MECOM: variants seen among roughly 807,000 people sequenced by gnomAD.
The protein encoded by MECOM is histone-lysine N-methyltransferase MECOM.
Under a neutral mutation model 116.3 loss-of-function variants are expected in MECOM, and 13 were observed. That is an observed-to-expected ratio of 0.11 (90% CI 0.07 to 0.18). The LOEUF (loss-of-function observed/expected upper bound fraction) is 0.18. Ranked by LOEUF, MECOM falls within the 10% of genes least tolerant of loss-of-function variation. MECOM has a pLI of 1.00. For missense variants in MECOM, 1,299 were observed against 1,509.0 expected, an observed-to-expected ratio of 0.86 and a Z score of 2.31; for synonymous variants, 528 against 535.2, an observed-to-expected ratio of 0.99 and a Z score of 0.19.
intron 1 of MECOM, among the ~76,000 whole-genome samples, chr3:169,456,282 C>T (rs191336476): frequency 1.3e-5 from 2 of 152,290 alleles, no homozygotes; most frequent in African/African-American, 4.8e-5. Flanking sequence ...ACACCTGCTC[C>T]TTGCATTGTA....
chr3:169,124,063 CAA>C (rs1731979564), intron 5 of MECOM, among the ~76,000 whole-genome samples: 2 of 152,010 alleles, frequency 1.3e-5, no homozygotes, highest in Non-Finnish European at 2.9e-5. Flanking sequence ...AATGATGAAA[CAA>C]TGATAGAGTT....
intron 2 of MECOM, among the ~76,000 whole-genome samples, chr3:169,334,510 ACTC>A (rs1392367235): frequency 6.6e-6 from 1 of 152,088 alleles, no homozygotes; most frequent in African/African-American, 2.4e-5. Context: ...AAGTTTTAAA[ACTC>A]CTCAGGTGAT....
At chr3:169,235,139 T>A (rs1753877487) in intron 2 of MECOM, among the ~76,000 whole-genome samples, 1 of 152,212 alleles carries the variant, frequency 6.6e-6, no homozygotes, top group South Asian at 2.1e-4. Flanking sequence ...GAGACTAAAC[T>A]CTTATTGACT....
Position 169,427,670 on chromosome 3 carries a change from G to A in MECOM, c.38-46146C>T, listed in dbSNP as rs566176230. 3.3e-5 allele frequency among the ~76,000 whole-genome samples: 5 copies of A among 152,304 alleles called. No homozygotes were observed. In the South Asian group the frequency reaches 6.2e-4, roughly 19 times the overall value. The stretch of plus-strand genomic sequence containing the variant: ...TCTCTTGTACAGAAGATGGAATCAC[G>A]AGGGAGAGAATATTTATTAAAATAA... On this transcript the variant is annotated intron_variant, in intron 1 of 16. Coordinates refer to ENST00000651503, the MANE Select transcript of MECOM (RefSeq NM_004991.4).
intron 1 of MECOM, among the ~76,000 whole-genome samples, chr3:169,662,748 C>T (rs1204233066): frequency 1.3e-5 from 2 of 152,082 alleles, no homozygotes; most frequent in Non-Finnish European, 2.9e-5. Context: ...GCGGCCGCCT[C>T]GCAACTTTTC....
chr3:169,238,903 C>T (rs921789923), intron 2 of MECOM, among the ~76,000 whole-genome samples: 2 of 152,012 alleles, frequency 1.3e-5, no homozygotes. Flanking sequence ...ATGATTAATC[C>T]TATAAAATGC....
At chr3:169,337,022 T>C (rs989071531) in intron 2 of MECOM, among the ~76,000 whole-genome samples, 1 of 152,148 alleles carries the variant, frequency 6.6e-6, no homozygotes, top group Non-Finnish European at 1.5e-5. Flanking sequence ...TAGTTAAGTT[T>C]TATATGTAAA....
At chr3:169,280,191 T>C (rs1318438020) in intron 2 of MECOM, among the ~76,000 whole-genome samples, 1 of 152,218 alleles carries the variant, frequency 6.6e-6, no homozygotes, top group Non-Finnish European at 1.5e-5. Flanking sequence ...CCTTTGCTTT[T>C]ACTGTAAGCA....
At chr3:169,118,313 T>C (rs773844751) in intron 7 of MECOM, among the ~76,000 whole-genome samples, 13 of 152,190 alleles carry the variant, frequency 8.5e-5, no homozygotes, top group Non-Finnish European at 1.9e-4. Flanking sequence ...AATCACAACG[T>C]TACAGAGGCT....
At chr3:169,491,012 C>T (rs1209314279) in intron 1 of MECOM, among the ~76,000 whole-genome samples, 1 of 151,898 alleles carries the variant, frequency 6.6e-6, no homozygotes, top group Non-Finnish European at 1.5e-5. Context: ...GCACATACCA[C>T]TATCCCCAGT....
intron 2 of MECOM, among the ~76,000 whole-genome samples, chr3:169,341,330 G>T (rs899506725): frequency 6.6e-6 from 1 of 151,404 alleles, no homozygotes; most frequent in Non-Finnish European, 1.5e-5. Context: ...CTTATTTGTG[G>T]GATCTAAAAA....
At chr3:169,167,995 G>A (rs1373199555) in intron 2 of MECOM, among the ~76,000 whole-genome samples, 2 of 139,442 alleles carry the variant, frequency 1.4e-5, no homozygotes, top group Non-Finnish European at 3.3e-5. Flanking sequence ...GCAATGAGAG[G>A]GAATAGCAGC....
chr3:169,308,318 GTAATTAAGCATTTCCTGA>G (rs1718085263), intron 2 of MECOM, among the ~76,000 whole-genome samples: 1 of 152,180 alleles, frequency 6.6e-6, no homozygotes, highest in South Asian at 2.1e-4. Context: ...CATTGGGAAT[GTAATTAAGCATTTCCTGA>G]ATATTGGTAT....
At chr3:169,192,368 T>G (rs1346458563) in intron 2 of MECOM, among the ~76,000 whole-genome samples, 1 of 152,030 alleles carries the variant, frequency 6.6e-6, no homozygotes, top group Non-Finnish European at 1.5e-5. Context: ...TTCAATGAAA[T>G]ATATATTTAA....
chr3:169,110,014 G>C (rs12638698), intron 9 of MECOM, among the ~76,000 whole-genome samples: 1 of 151,952 alleles, frequency 6.6e-6, no homozygotes, highest in African/African-American at 2.4e-5. Context: ...AAATAGGGCA[G>C]ATATTATTCC....
chr3:169,199,491 A>G (rs530154146), intron 2 of MECOM, among the ~76,000 whole-genome samples: 14 of 152,116 alleles, frequency 9.2e-5, no homozygotes, highest in Non-Finnish European at 1.9e-4. Flanking sequence ...ATGGCTCATT[A>G]CAGTCTCAAA....
At chr3:169,613,996 T>C (rs1320522630) in intron 1 of MECOM, among the ~76,000 whole-genome samples, 1 of 152,228 alleles carries the variant, frequency 6.6e-6, no homozygotes, top group Non-Finnish European at 1.5e-5. Flanking sequence ...TGTTATTTTC[T>C]CATTAATAAA....
intron 1 of MECOM, among the ~76,000 whole-genome samples, chr3:169,602,011 G>GA (rs1390458610): frequency 2.3e-4 from 35 of 152,092 alleles, no homozygotes; most frequent in Non-Finnish European, 4.7e-4. Flanking sequence ...CCTTCAAGAA[G>GA]AGGAACCCAT....
chr3:169,477,295 G>A (rs1260746167), intron 1 of MECOM, among the ~76,000 whole-genome samples: 1 of 151,556 alleles, frequency 6.6e-6, no homozygotes, highest in Non-Finnish European at 1.5e-5. Context: ...CAACTTCGAA[G>A]TGCTGCTGAG....
Sources: allele counts gnomAD v4.1 joint callset (sites outside exome capture counted in the v4.1 genomes callset), GRCh38; gene constraint gnomAD v4.1.1; transcripts MANE v1.5; gene names NCBI Gene and HGNC (gene_info 2026-07-23, HGNC 2026-07-21).